OR9Q1: variants seen among roughly 807,000 people sequenced by gnomAD.
OR9Q1 encodes olfactory receptor 9Q1.
For missense variants in OR9Q1, 374 were observed against 378.8 expected, an observed-to-expected ratio of 0.99 and a Z score of 0.11; for synonymous variants, 153 against 148.6, an observed-to-expected ratio of 1.03 and a Z score of -0.22.
chr11:58,140,870 C>A (rs1473340618), intron 2 of OR9Q1, among the ~76,000 whole-genome samples: 1 of 152,286 alleles, frequency 6.6e-6, no homozygotes, highest in Middle Eastern at 3.4e-3. Context: ...CTATAAATGA[C>A]CTTGGGCAGT....
At chr11:58,044,570 C>T (rs1033877017) in intron 1 of OR9Q1, 2 of 152,348 alleles carry the variant, frequency 1.3e-5, no homozygotes, top group East Asian at 3.9e-4. Context: ...GTCCCTCTCT[C>T]TCTTTCTTTC....
intron 2 of OR9Q1, among the ~76,000 whole-genome samples, chr11:58,127,475 G>A (rs1854100956): frequency 6.6e-6 from 1 of 152,164 alleles, no homozygotes; most frequent in African/African-American, 2.4e-5. Context: ...ACTCTGGAAT[G>A]TGAATTATGC....
At chr11:58,151,761 T>C (rs1249853199) in intron 2 of OR9Q1, among the ~76,000 whole-genome samples, 1 of 149,246 alleles carries the variant, frequency 6.7e-6, no homozygotes, top group Non-Finnish European at 1.5e-5. Context: ...TGTCTTAGTT[T>C]TCGGCCCCCA....
At chr11:58,048,574 T>C (rs1027286947) in intron 1 of OR9Q1, among the ~76,000 whole-genome samples, 13 of 150,924 alleles carry the variant, frequency 8.6e-5, no homozygotes, top group African/African-American at 3.2e-4. Flanking sequence ...GACAGAAGAA[T>C]TGCTTGAACC....
chr11:58,073,790 T>C (rs1381713094), intron 2 of OR9Q1, among the ~76,000 whole-genome samples: 1 of 152,216 alleles, frequency 6.6e-6, no homozygotes, highest in African/African-American at 2.4e-5. Flanking sequence ...CTCCTAATGC[T>C]ATCCCTCCCC....
At position 58,154,831 on chromosome 11, in the gene OR9Q1, A is replaced by G. The variant is rs117781043; in HGVS notation, c.-14-24600A>G. ...GATTGAATGTTGGCAGTTTGTCTTT[A>G]GAGGTGCATTCAGCCATTGTGAAGT... On this transcript the variant is annotated intron_variant, in intron 2 of 2. Transcript: ENST00000335397. 1.1e-4 allele frequency among the ~76,000 whole-genome samples: 17 copies of G among 152,324 alleles called. No individual in the cohort carries two copies. In the East Asian group the frequency reaches 2.9e-3, roughly 26 times the overall value.
intron 2 of OR9Q1, among the ~76,000 whole-genome samples, chr11:58,158,322 A>C (rs1038203693): frequency 6.6e-6 from 1 of 152,012 alleles, no homozygotes; most frequent in African/African-American, 2.4e-5. Context: ...CAGAGAATAA[A>C]CTTGGGTCAA....
intron 2 of OR9Q1, among the ~76,000 whole-genome samples, chr11:58,144,038 A>G (rs1854275654): frequency 6.6e-6 from 1 of 152,136 alleles, no homozygotes; most frequent in South Asian, 2.1e-4. Flanking sequence ...TTATTTTATT[A>G]TTATTATACT....
intron 2 of OR9Q1, among the ~76,000 whole-genome samples, chr11:58,060,484 A>G (rs1342931323): frequency 2.0e-5 from 3 of 152,210 alleles, no homozygotes; most frequent in Non-Finnish European, 2.9e-5. Flanking sequence ...GCCTAAGGAA[A>G]GCTGGGAGGC....
rs1565062045 is a variant in OR9Q1 at position 58,053,612 on chromosome 11, A to AATATATATATATAAAAT, written c.-92-2245_-92-2244insAAATATATATATATATA. Among the ~76,000 whole-genome samples the AATATATATATATAAAAT allele has an allele frequency of 4.8e-3, 454 of 94,750 alleles. 3 individuals are homozygous for AATATATATATATAAAAT. The highest frequency in any genetic ancestry group is 5.9e-3 in the African/African-American group (121 of 20,432). 62.2% of individuals were successfully genotyped at this position (94,750 alleles called of 152,430 possible). A position where few individuals can be genotyped will look rare whatever the true frequency, so the allele number is the denominator to read the frequency against. Reference sequence around the variant, plus strand: ...TTAAAGTATAATAATAAAATTAAAAAATATATATATATATAAAATATATAT... The same window carrying AATATATATATATAAAAT: ...TTAAAGTATAATAATAAAATTAAAAAATATATATATATAAAATATATATATATATATAAAATATATAT... On this transcript the variant is annotated intron_variant, in intron 1 of 2. Coordinates refer to ENST00000335397, the MANE Select transcript of OR9Q1 (RefSeq NM_001005212.4).
chr11:58,055,311 A>G (rs979635363), intron 1 of OR9Q1, among the ~76,000 whole-genome samples: 2 of 152,154 alleles, frequency 1.3e-5, no homozygotes, highest in African/African-American at 4.8e-5. Flanking sequence ...TATACTACAT[A>G]AGCACCGATG....
At chr11:58,053,064 A>T (rs1288189249) in intron 1 of OR9Q1, among the ~76,000 whole-genome samples, 1 of 151,744 alleles carries the variant, frequency 6.6e-6, no homozygotes, top group Non-Finnish European at 1.5e-5. Flanking sequence ...ATCTAGAACT[A>T]GAAATACCAT....
chr11:58,136,969 A>G (rs1395768708), intron 2 of OR9Q1, among the ~76,000 whole-genome samples: 1 of 152,106 alleles, frequency 6.6e-6, no homozygotes, highest in Non-Finnish European at 1.5e-5. Context: ...TCTGTCATCC[A>G]TAGATCAGTC....
intron 2 of OR9Q1, among the ~76,000 whole-genome samples, chr11:58,060,957 C>T (rs998910722): frequency 6.6e-6 from 1 of 152,132 alleles, no homozygotes; most frequent in Non-Finnish European, 1.5e-5. Context: ...TCGCCTTTGT[C>T]ACATCATTGC....
At chr11:58,044,863 A>G (rs1454363626) in intron 1 of OR9Q1, 2 of 152,340 alleles carry the variant, frequency 1.3e-5, no homozygotes, top group East Asian at 3.9e-4. Context: ...CCTCTTCAAT[A>G]AAATGGAGAT....
At chr11:58,137,762 G>C (rs1854202795) in intron 2 of OR9Q1, among the ~76,000 whole-genome samples, 1 of 152,096 alleles carries the variant, frequency 6.6e-6, no homozygotes, top group African/African-American at 2.4e-5. Context: ...CTGTTTCCCA[G>C]TCTATAAATA....
chr11:58,152,404 T>G (rs1160983587), intron 2 of OR9Q1, among the ~76,000 whole-genome samples: 1 of 152,216 alleles, frequency 6.6e-6, no homozygotes, highest in Non-Finnish European at 1.5e-5. Context: ...GGATACCCTA[T>G]GATCTGACAG....
chr11:58,091,994 T>C (rs1178263042), intron 2 of OR9Q1, among the ~76,000 whole-genome samples: 2 of 152,148 alleles, frequency 1.3e-5, no homozygotes, highest in Admixed American at 1.3e-4. Context: ...TTCCATTTGC[T>C]TGGTAAATAT....
At chr11:58,154,375 A>T in intron 2 of OR9Q1, among the ~76,000 whole-genome samples, 1 of 103,046 alleles carries the variant, frequency 9.7e-6, no homozygotes. Flanking sequence ...AATCAATGCA[A>T]TGGATTTTTT....
Sources: allele counts gnomAD v4.1 joint callset (sites outside exome capture counted in the v4.1 genomes callset), GRCh38; gene constraint gnomAD v4.1.1; transcripts MANE v1.5; gene names NCBI Gene and HGNC (gene_info 2026-07-23, HGNC 2026-07-21).